Variants in MROH2B observed in about 807,000 individuals in gnomAD.
MROH2B encodes the protein maestro heat-like repeat-containing protein family member 2B.
A neutral mutation model predicts 208.6 loss-of-function variants in MROH2B; 177 were observed. The ratio of observed to expected loss-of-function variants is 0.85; its 90% CI spans 0.75 to 0.96. The LOEUF (loss-of-function observed/expected upper bound fraction) is 0.96, where lower values mean the gene tolerates loss of function less well. Among genes scored for constraint, MROH2B ranks in the 40% least tolerant of loss-of-function variants. The probability of loss-of-function intolerance (pLI) is 0.00; values close to 1 mark genes in which losing one functional copy is unlikely to be tolerated. For synonymous variants in MROH2B, 728 were observed against 659.0 expected, an observed-to-expected ratio of 1.10 and a Z score of -1.60; for missense variants, 2,002 against 1,878.7, an observed-to-expected ratio of 1.07 and a Z score of -1.21.
At chr5:41,053,091 G>A (rs1246943390) in intron 11 of MROH2B, among the ~76,000 whole-genome samples, 1 of 152,148 alleles carries the variant, frequency 6.6e-6, no homozygotes, top group East Asian at 1.9e-4. Flanking sequence ...CATAGATTAT[G>A]AATTGTTGGG....
intron 24 of MROH2B, among the ~76,000 whole-genome samples, chr5:41,028,449 C>T (rs932406992): frequency 6.6e-6 from 1 of 152,194 alleles, no homozygotes; most frequent in Non-Finnish European, 1.5e-5. Context: ...TTTTGACTTA[C>T]ATCTTCCATT....
intron 24 of MROH2B, among the ~76,000 whole-genome samples, chr5:41,030,287 G>A (rs550509767): frequency 6.6e-6 from 1 of 151,564 alleles, no homozygotes; most frequent in South Asian, 2.1e-4. Flanking sequence ...CATTAGAATG[G>A]GTATAAAAAA....
rs1166321916 is a variant in MROH2B at position 41,070,892 on chromosome 5, G to A, written c.-40C>T. 1 of 1,600,588 alleles carries A rather than the reference G, an allele frequency of 6.2e-7. No homozygotes were observed. Among genetic ancestry groups the A allele is most frequent in the Non-Finnish European group, 8.5e-7 (1 of 1,171,602 alleles). On this transcript the variant is annotated 5_prime_UTR_variant, in exon 1 of 42. Transcript: ENST00000399564. ...AGGGTCTCTAAAAGATAGCACCTAA[G>A]TATTAGAAATAGTAAGGCTAAAAAA... is the stretch of plus-strand genomic sequence containing the variant.
chr5:41,066,738 C>T (rs548060556), intron 3 of MROH2B, among the ~76,000 whole-genome samples: 4 of 152,180 alleles, frequency 2.6e-5, no homozygotes, highest in African/African-American at 7.2e-5. Flanking sequence ...TGTTGTCTAT[C>T]AGACAATCTA....
chr5:41,060,023 T>C (rs892749706), intron 6 of MROH2B, among the ~76,000 whole-genome samples: 2 of 152,204 alleles, frequency 1.3e-5, no homozygotes, highest in Non-Finnish European at 2.9e-5. Flanking sequence ...ATCAAACCCA[T>C]TTTGTACTGT....
intron 16 of MROH2B, 29 bp from the exon 17 acceptor site, chr5:41,047,793 C>A: frequency 6.4e-7 from 1 of 1,553,864 alleles, no homozygotes; most frequent in Non-Finnish European, 8.7e-7. Flanking sequence ...GTAATAATCG[C>A]AAAAAAACAA....
At position 41,039,542 on chromosome 5, in the gene MROH2B, A is replaced by G; in HGVS notation, c.1967T>C (p.Ile656Thr). Residue 656 changes from isoleucine (I) to threonine (T), a missense_variant, in exon 20 of 42, where the codon ATT (isoleucine) becomes ACT (threonine). By Grantham distance (89) the Ile-to-Thr change is moderately conservative. Coordinates refer to ENST00000399564, the MANE Select transcript of MROH2B (RefSeq NM_173489.5). The stretch of plus-strand genomic sequence containing the variant: ...ATGGTTCTCGGCACAGTATCCTAAA[A>G]TAGATGTTATTCCCTAAAATCAGAA... The part of the protein sequence containing the change: ...LGDQRQGITS[I>T]LGYCAENHLD... 6.9e-6 allele frequency: 11 copies of G among 1,588,596 alleles called. No individual in the cohort carries two copies. The highest frequency in any genetic ancestry group is 8.6e-6 in the Non-Finnish European group (10 of 1,164,970).
At position 41,019,231 on chromosome 5, in the gene MROH2B, A is replaced by G. The variant is rs541344848; in HGVS notation, c.2442-213T>C. On this transcript the variant is annotated intron_variant, in intron 24 of 41. Coordinates refer to ENST00000399564, the MANE Select transcript of MROH2B (RefSeq NM_173489.5). ...TGGTGAGCATACTCAATACGCCTCCATTCTTTAGATTAGATTGATGAACAA... is the reference window on the plus strand; with the variant it reads ...TGGTGAGCATACTCAATACGCCTCCGTTCTTTAGATTAGATTGATGAACAA... Among the ~76,000 whole-genome samples the G allele has an allele frequency of 3.3e-5, 5 of 152,286 alleles. No homozygotes were observed. In the South Asian group the frequency reaches 1.0e-3, roughly 32 times the overall value.
Position 41,038,781 on chromosome 5 carries a change from T to C in MROH2B, c.2169A>G (p.Gln723=), listed in dbSNP as rs921753112. 3.1e-6 allele frequency: 5 copies of C among 1,613,400 alleles called. No homozygotes were observed. Among genetic ancestry groups the C allele is most frequent in the South Asian group, 1.1e-5 (1 of 91,020 alleles). Residue 723 remains glutamine (Q), a synonymous_variant, in exon 21 of 42, where the codon CAA becomes CAG. Transcript: ENST00000399564. ...PKKQLLSRLN[Q]DIISQVLSLH... ...GAGACAGGACTTGGGATATGATATC[T>C]TGATTAAGTCTGGAGAGAAGTTGCT...
Position 41,042,225 on chromosome 5 carries a change from A to G in MROH2B, c.1837-17T>C. On this transcript the variant is annotated splice_polypyrimidine_tract_variant and intron_variant, in intron 18 of 41. Coordinates refer to ENST00000399564, the MANE Select transcript of MROH2B (RefSeq NM_173489.5). Reference sequence around the variant, plus strand: ...AAGGAATTTCTGGAAAACAAAAGATAAGCAACAGGATTTTAAGGGTTGGAA... The same window carrying G: ...AAGGAATTTCTGGAAAACAAAAGATGAGCAACAGGATTTTAAGGGTTGGAA... 1 of 1,427,186 alleles carries G rather than the reference A, an allele frequency of 7.0e-7. No homozygotes were observed. The allele number at this position is 1,427,186 out of a possible 1,614,324, so 88.4% of individuals were successfully genotyped here.
intron 18 of MROH2B, among the ~76,000 whole-genome samples, chr5:41,043,405 G>A (rs924526403): frequency 2.0e-5 from 3 of 152,208 alleles, no homozygotes; most frequent in African/African-American, 7.2e-5. Flanking sequence ...GGACAAAGCT[G>A]CTAAAGTCTA....
At position 41,067,139 on chromosome 5, in the gene MROH2B, T is replaced by C. The variant is rs745529547; in HGVS notation, c.170A>G (p.Tyr57Cys). 95 of 1,554,536 alleles carry C rather than the reference T, an allele frequency of 6.1e-5. No homozygotes were observed. Among genetic ancestry groups the C allele is most frequent in the Non-Finnish European group, 7.9e-5 (91 of 1,147,696 alleles). Residue 57 changes from tyrosine to cysteine, a missense_variant, in exon 3 of 42, where the codon TAT becomes TGT. By Grantham distance (194) the Tyr-to-Cys change is radical (BLOSUM62 -2). Coordinates refer to ENST00000399564, the MANE Select transcript of MROH2B (RefSeq NM_173489.5). ...LDDAIVQRLI[Y>C]YASKDMRDNN... ...GTCTCTCATATCCTTAGAAGCATAA[T>C]AAATCAATCGTTGGACAATTGCATC...
At position 41,031,449 on chromosome 5, in the gene MROH2B, G is replaced by C. The variant is rs11950241; in HGVS notation, c.2441+1293C>G. Among the ~76,000 whole-genome samples the C allele has an allele frequency of 4.1e-3, 624 of 152,142 alleles. 5 individuals carry two copies. The highest frequency in any genetic ancestry group is 0.014 in the African/African-American group (591 of 41,512). ...TACAATTCGAGATGAGATTTGGGTG[G>C]GGACCCAAAGTCAAACCACATCAAG... On this transcript the variant is annotated intron_variant, in intron 24 of 41. Coordinates refer to ENST00000399564, the MANE Select transcript of MROH2B (RefSeq NM_173489.5).
At chr5:41,014,188 C>T (rs1346475014) in intron 29 of MROH2B, among the ~76,000 whole-genome samples, 1 of 152,142 alleles carries the variant, frequency 6.6e-6, no homozygotes, top group East Asian at 1.9e-4. Flanking sequence ...ATTGCCATAA[C>T]ACCAATATAA....
chr5:41,003,053 C>T (rs1030258823), intron 37 of MROH2B, among the ~76,000 whole-genome samples: 4 of 151,246 alleles, frequency 2.6e-5, no homozygotes, highest in Admixed American at 1.3e-4. Context: ...CTCTGCCTCC[C>T]GTGTTCAAGC....
chr5:41,054,012 C>T (rs1000176124), intron 11 of MROH2B, among the ~76,000 whole-genome samples: 7 of 151,724 alleles, frequency 4.6e-5, no homozygotes, highest in Non-Finnish European at 7.4e-5. Context: ...GAGAGTCTTA[C>T]TCTGTTGCCC....
chr5:41,013,759 A>T (rs1326544269), intron 29 of MROH2B, among the ~76,000 whole-genome samples: 1 of 152,180 alleles, frequency 6.6e-6, no homozygotes, highest in Admixed American at 6.5e-5. Context: ...AAGGGAACTC[A>T]TGTTTTTGAG....
intron 30 of MROH2B, among the ~76,000 whole-genome samples, chr5:41,010,393 T>A (rs542578998): frequency 6.6e-5 from 10 of 152,172 alleles, no homozygotes; most frequent in Admixed American, 3.9e-4. Flanking sequence ...ATAAAGAATA[T>A]CAATCATAGA....
chr5:40,999,852 C>A, intron 39 of MROH2B, 73 bp from the exon 40 acceptor site: 1 of 1,374,694 alleles, frequency 7.3e-7, no homozygotes, highest in Non-Finnish European at 1.0e-6. Flanking sequence ...CCTATAGGTC[C>A]TCAGAACGGA....
Sources: gnomAD v4.1 joint callset for allele counts (sites outside exome capture counted in the v4.1 genomes callset) on GRCh38, gnomAD v4.1.1 for gene constraint, MANE v1.5 for transcripts, NCBI Gene and HGNC (gene_info 2026-07-23, HGNC 2026-07-21) for gene names.